The following PDGFC variants were observed in gnomAD, a reference collection of about 807,000 sequenced individuals.
PDGFC encodes platelet-derived growth factor C.
In PDGFC, 12 loss-of-function variants were observed where a neutral mutation model predicts 35.5. That is an observed-to-expected ratio of 0.34 (90% CI 0.22 to 0.55). The LOEUF is 0.55. Among genes scored for constraint, PDGFC ranks in the 20% least tolerant of loss-of-function variants. PDGFC has a pLI of 0.91. For synonymous variants in PDGFC, 159 were observed against 148.8 expected (o/e 1.07, Z -0.50); for missense variants, 322 against 412.4 (o/e 0.78, Z 1.90).
chr4:156,899,792 G>A (rs181366137), intron 1 of PDGFC, among the ~76,000 whole-genome samples: 21 of 152,188 alleles, frequency 1.4e-4, no homozygotes, highest in African/African-American at 5.1e-4. Context: ...TCCAGCCTGG[G>A]TGACAGAGTG....
rs1731151701 is a variant in PDGFC at position 156,787,205 on chromosome 4, G to T, written c.496-14312C>A. Among the ~76,000 whole-genome samples, 4 of 152,122 alleles carry T rather than the reference G, an allele frequency of 2.6e-5. No individual in the cohort carries two copies. In the South Asian group the frequency reaches 8.3e-4, roughly 32 times the overall value. On this transcript the variant is annotated intron_variant, in intron 3 of 5. Transcript: ENST00000502773. Reference sequence around the variant, plus strand: ...GTCATAATTCCAGTTGAGAGAGAGAGAAGGAGGAACCAGTGAAGAGGACTG... The same window carrying T: ...GTCATAATTCCAGTTGAGAGAGAGATAAGGAGGAACCAGTGAAGAGGACTG...
At chr4:156,908,089 C>G (rs926414969) in intron 1 of PDGFC, among the ~76,000 whole-genome samples, 1 of 152,104 alleles carries the variant, frequency 6.6e-6, no homozygotes, top group Non-Finnish European at 1.5e-5. Flanking sequence ...TCACTTGAAC[C>G]CAGGAAGCGG....
At chr4:156,927,952 C>A (rs1048437281) in intron 1 of PDGFC, among the ~76,000 whole-genome samples, 1 of 152,136 alleles carries the variant, frequency 6.6e-6, no homozygotes, top group Non-Finnish European at 1.5e-5. Flanking sequence ...TACAGTTCCA[C>A]ATGGCTGAGG....
intron 1 of PDGFC, among the ~76,000 whole-genome samples, chr4:156,874,340 C>G (rs564178847): frequency 6.6e-6 from 1 of 152,248 alleles, no homozygotes; most frequent in South Asian, 2.1e-4. Context: ...ATCATCAGCT[C>G]TGTAATATTT....
intron 3 of PDGFC, among the ~76,000 whole-genome samples, chr4:156,782,973 G>A (rs747688142): frequency 6.6e-6 from 1 of 152,066 alleles, no homozygotes; most frequent in Non-Finnish European, 1.5e-5. Context: ...TGACTATAAC[G>A]GAAGTAAAAA....
chr4:156,859,338 C>T (rs555602290), intron 1 of PDGFC, among the ~76,000 whole-genome samples: 2 of 151,944 alleles, frequency 1.3e-5, no homozygotes, highest in South Asian at 4.1e-4. Flanking sequence ...CTTAGGAATG[C>T]TAATTGAGGG....
intron 1 of PDGFC, among the ~76,000 whole-genome samples, chr4:156,882,284 A>C (rs1335047385): frequency 6.6e-6 from 1 of 152,200 alleles, no homozygotes; most frequent in Non-Finnish European, 1.5e-5. Flanking sequence ...CTAATCAAAG[A>C]ATGCTCTGAC....
At chr4:156,765,997 CA>C (rs1434083144) in intron 5 of PDGFC, among the ~76,000 whole-genome samples, 1 of 152,104 alleles carries the variant, frequency 6.6e-6, no homozygotes, top group Non-Finnish European at 1.5e-5. Context: ...GAGGGCTAAG[CA>C]ATTTGCTCAA....
At chr4:156,874,868 CAT>C (rs1730074124) in intron 1 of PDGFC, among the ~76,000 whole-genome samples, 1 of 151,938 alleles carries the variant, frequency 6.6e-6, no homozygotes, top group Non-Finnish European at 1.5e-5. Flanking sequence ...AGGTTCACCT[CAT>C]GATGCCCAGC....
chr4:156,916,239 T>C (rs528301806), intron 1 of PDGFC, among the ~76,000 whole-genome samples: 28 of 152,296 alleles, frequency 1.8e-4, no homozygotes, highest in African/African-American at 6.7e-4. Context: ...AGTTAGACCC[T>C]GTTGCAAAAG....
At chr4:156,824,327 T>TACACACAC (rs1204930651) in intron 2 of PDGFC, among the ~76,000 whole-genome samples, 9 of 102,844 alleles carry the variant, frequency 8.8e-5, no homozygotes, top group African/African-American at 3.2e-4. Flanking sequence ...TATATATATA[T>TACACACAC]ACACACACAC....
chr4:156,942,999 C>T (rs1025299198), intron 1 of PDGFC, among the ~76,000 whole-genome samples: 2 of 151,982 alleles, frequency 1.3e-5, no homozygotes, highest in African/African-American at 4.8e-5. Context: ...CATTAGTAGT[C>T]ATTTAATCTG....
In PDGFC at chr4:156,934,229, G is replaced by A. The variant is rs143385356; in HGVS notation, c.118+36557C>T. Among the ~76,000 whole-genome samples the A allele has an allele frequency of 3.1e-3, 470 of 152,310 alleles. 2 individuals carry two copies. Among genetic ancestry groups the A allele is most frequent in the South Asian group, 4.4e-3 (21 of 4,826 alleles). On this transcript the variant is annotated intron_variant, in intron 1 of 5. Transcript: ENST00000502773. ...CTAAATGGTATGGCCTATTGCACAC[G>A]TAGGCTACGTAGTACAGCCTACTGC...
Position 156,927,322 on chromosome 4 carries a change from C to T in PDGFC, c.118+43464G>A, listed in dbSNP as rs12643184. Among the ~76,000 whole-genome samples, 2,448 of 152,278 alleles carry T rather than the reference C, an allele frequency of 0.016. 157 individuals carry two copies. The East Asian group carries it at 0.19, about 12-fold the overall frequency. The stretch of plus-strand genomic sequence containing the variant: ...CCATTGTCTTAAGGTTAACATCGGG[C>T]TGCTTGTTACTTATGCAAATTTCTG... On this transcript the variant is annotated intron_variant, in intron 1 of 5. Coordinates refer to ENST00000502773, the MANE Select transcript of PDGFC (RefSeq NM_016205.3).
chr4:156,824,319 T>TACAC lies in PDGFC; in HGVS notation c.315-13303_315-13302insGTGT, dbSNP rs61303991. On this transcript the variant is annotated intron_variant, in intron 2 of 5. Coordinates refer to ENST00000502773, the MANE Select transcript of PDGFC (RefSeq NM_016205.3). ...ATATATATATATATATATATATATATATATATATACACACACACACACACA... is the reference window on the plus strand; with the variant it reads ...ATATATATATATATATATATATATATACACATATATATACACACACACACACACA... Among the ~76,000 whole-genome samples the TACAC allele has an allele frequency of 8.2e-3, 780 of 94,978 alleles. 21 individuals are homozygous for TACAC. The highest frequency in any genetic ancestry group is 0.03 in the African/African-American group (558 of 18,584). The allele number at this position is 94,978 out of a possible 152,430, so 62.3% of individuals were successfully genotyped here. A position where few individuals can be genotyped will look rare whatever the true frequency, so the allele number is the denominator to read the frequency against.
chr4:156,804,363 G>C (rs1192990704), intron 3 of PDGFC, among the ~76,000 whole-genome samples: 1 of 151,952 alleles, frequency 6.6e-6, no homozygotes, highest in Non-Finnish European at 1.5e-5. Context: ...AAGAAAATGA[G>C]GATCTCTGAC....
intron 1 of PDGFC, among the ~76,000 whole-genome samples, chr4:156,858,649 C>A (rs983223096): frequency 2.0e-5 from 3 of 152,138 alleles, no homozygotes; most frequent in East Asian, 3.9e-4. Context: ...GTAATCAACT[C>A]TCTTATTGAA....
intron 1 of PDGFC, among the ~76,000 whole-genome samples, chr4:156,958,636 T>C (rs897606612): frequency 3.3e-5 from 5 of 152,076 alleles, no homozygotes; most frequent in African/African-American, 1.2e-4. Context: ...TTTCCTGTGC[T>C]TACTTCAATT....
intron 1 of PDGFC, among the ~76,000 whole-genome samples, chr4:156,957,235 C>G (rs1732234500): frequency 6.6e-6 from 1 of 151,970 alleles, no homozygotes; most frequent in Non-Finnish European, 1.5e-5. Context: ...TGGCTCTCCC[C>G]CAAACCTCCA....
Sources: allele counts gnomAD v4.1 joint callset (sites outside exome capture counted in the v4.1 genomes callset), GRCh38; gene constraint gnomAD v4.1.1; transcripts MANE v1.5; gene names NCBI Gene and HGNC (gene_info 2026-07-23, HGNC 2026-07-21).